The following ASXL2 variants were observed in gnomAD, a reference collection of about 807,000 sequenced individuals.
ASXL2 encodes the protein ASXL transcriptional regulator 2.
A neutral mutation model predicts 122.0 loss-of-function variants in ASXL2; 23 were observed. The observed-to-expected ratio is 0.19, with a 90% CI of 0.14 to 0.27. The LOEUF (loss-of-function observed/expected upper bound fraction) is 0.27, where lower values mean the gene tolerates loss of function less well. Ranked by LOEUF, ASXL2 falls within the 10% of genes least tolerant of loss-of-function variation. ASXL2 has a pLI of 1.00. For synonymous variants in ASXL2, 650 were observed against 637.0 expected, an observed-to-expected ratio of 1.02 and a Z score of -0.31; for missense variants, 1,518 against 1,713.8, an observed-to-expected ratio of 0.89 and a Z score of 2.02.
chr2:25,761,962 G>C (rs1185224583), intron 8 of ASXL2, among the ~76,000 whole-genome samples: 2 of 151,910 alleles, frequency 1.3e-5, no homozygotes, highest in African/African-American at 4.8e-5. Flanking sequence ...TAAACATGTA[G>C]ATAAATATAT....
At chr2:25,876,284 T>C (rs1485479220) in intron 1 of ASXL2, among the ~76,000 whole-genome samples, 1 of 152,224 alleles carries the variant, frequency 6.6e-6, no homozygotes, top group Non-Finnish European at 1.5e-5. Flanking sequence ...TGAGCAAATA[T>C]ACTAACATAG....
chr2:25,873,628 T>A (rs1477432967), intron 1 of ASXL2, among the ~76,000 whole-genome samples: 5 of 151,152 alleles, frequency 3.3e-5, no homozygotes, highest in Non-Finnish European at 5.9e-5. Flanking sequence ...AACCAATGAA[T>A]AAAGTCTATA....
rs1431495638 is a variant in ASXL2 at position 25,741,926 on chromosome 2, G to A, written c.*103C>T. ...GTAACATTTGTCTCTGAAGACAACT[G>A]AAACCTACTTGTTTATTTCTGTGAT... On this transcript the variant is annotated 3_prime_UTR_variant, in exon 13 of 13. Coordinates refer to ENST00000435504, the MANE Select transcript of ASXL2 (RefSeq NM_018263.6). 8.6e-7 allele frequency: 1 copy of A among 1,169,560 alleles called. No individual in the cohort carries two copies. Among genetic ancestry groups the A allele is most frequent in the East Asian group, 2.4e-5 (1 of 42,000 alleles). 72.4% of individuals were successfully genotyped at this position (1,169,560 alleles called of 1,614,324 possible). A position where few individuals can be genotyped will look rare whatever the true frequency, so the allele number is the denominator to read the frequency against.
intron 1 of ASXL2, among the ~76,000 whole-genome samples, chr2:25,848,830 G>T (rs2089681833): frequency 6.6e-6 from 1 of 151,286 alleles, no homozygotes; most frequent in Admixed American, 6.6e-5. Context: ...CAGATCACCA[G>T]AAGTCAAGAG....
chr2:25,849,394 A>T (rs1471303736), intron 1 of ASXL2, among the ~76,000 whole-genome samples: 1 of 145,340 alleles, frequency 6.9e-6, no homozygotes, highest in Admixed American at 7.3e-5. Context: ...CAGAGGCTAC[A>T]GTGAGACGAG....
intron 4 of ASXL2, among the ~76,000 whole-genome samples, chr2:25,804,777 C>A (rs1460387247): frequency 1.3e-5 from 2 of 152,116 alleles, no homozygotes; most frequent in South Asian, 2.1e-4. Flanking sequence ...AGGCCGGGCA[C>A]GGTGGCTCAC....
chr2:25,812,962 T>TCAA (rs1218560554), intron 3 of ASXL2, among the ~76,000 whole-genome samples: 2 of 152,164 alleles, frequency 1.3e-5, no homozygotes, highest in African/African-American at 4.8e-5. Flanking sequence ...AATAAGCTGT[T>TCAA]CAAGATCATA....
At chr2:25,809,753 C>T (rs1050562102) in intron 3 of ASXL2, among the ~76,000 whole-genome samples, 5 of 152,172 alleles carry the variant, frequency 3.3e-5, no homozygotes, top group African/African-American at 1.2e-4. Flanking sequence ...TCTAGCCCAG[C>T]TGGAATCTCT....
At position 25,741,955 on chromosome 2, in the gene ASXL2, A is replaced by G. The variant is rs1016441610; in HGVS notation, c.*74T>C. On this transcript the variant is annotated 3_prime_UTR_variant, in exon 13 of 13. Transcript: ENST00000435504. ...CCTACTTGTTTATTTCTGTGATTCC[A>G]AAAGGACGCAAAAAACCCAACTGGT... 1 of 1,425,696 alleles carries G rather than the reference A, an allele frequency of 7.0e-7. No individual in the cohort carries two copies. Among genetic ancestry groups the G allele is most frequent in the African/African-American group, 1.4e-5 (1 of 69,980 alleles). 88.3% of individuals were successfully genotyped at this position (1,425,696 alleles called of 1,614,324 possible).
intron 3 of ASXL2, among the ~76,000 whole-genome samples, chr2:25,823,976 T>C (rs3731638): frequency 0.32 from 48,141 of 151,514 alleles, 7,967 homozygotes; most frequent in African/African-American, 0.4. Context: ...TGTAATGTCA[T>C]AGGAAACCTT....
At chr2:25,869,079 C>T (rs2089934058) in intron 1 of ASXL2, among the ~76,000 whole-genome samples, 1 of 151,554 alleles carries the variant, frequency 6.6e-6, no homozygotes, top group South Asian at 2.1e-4. Context: ...GCAGGAGAAT[C>T]GCTTGAACCT....
chr2:25,816,370 T>C (rs1436913762), intron 3 of ASXL2, among the ~76,000 whole-genome samples: 1 of 152,178 alleles, frequency 6.6e-6, no homozygotes, highest in Non-Finnish European at 1.5e-5. Flanking sequence ...ATTCACACCA[T>C]CGTGTGACCT....
chr2:25,876,081 A>G (rs2090007371), intron 1 of ASXL2, among the ~76,000 whole-genome samples: 1 of 152,120 alleles, frequency 6.6e-6, no homozygotes, highest in South Asian at 2.1e-4. Flanking sequence ...GATTTTGGCT[A>G]CTAGAAAAAC....
chr2:25,800,546 C>G (rs940936031), intron 4 of ASXL2, among the ~76,000 whole-genome samples: 10 of 152,152 alleles, frequency 6.6e-5, no homozygotes, highest in Admixed American at 5.2e-4. Flanking sequence ...TTTAACAAAT[C>G]ATATGAAACT....
intron 3 of ASXL2, chr2:25,822,548 A>G (rs373544986): frequency 5.7e-5 from 28 of 495,428 alleles, no homozygotes; most frequent in African/African-American, 4.4e-4. Context: ...AAGGATGTTC[A>G]TGTAAATTTT....
intron 5 of ASXL2, among the ~76,000 whole-genome samples, chr2:25,777,701 T>A (rs183369750): frequency 6.6e-6 from 1 of 152,304 alleles, no homozygotes; most frequent in African/African-American, 2.4e-5. Context: ...ATTTTATTAT[T>A]AATAACAGCA....
intron 5 of ASXL2, among the ~76,000 whole-genome samples, chr2:25,781,951 C>CGT (rs371416553): frequency 0.24 from 5,001 of 21,158 alleles, 259 homozygotes; most frequent in African/African-American, 0.35. Flanking sequence ...CGTGAGCCAC[C>CGT]GCCCGGGCTT....
At chr2:25,822,938 A>T (rs1352639755) in intron 3 of ASXL2, 1 of 529,052 alleles carries the variant, frequency 1.9e-6, no homozygotes, top group Non-Finnish European at 3.8e-6. Flanking sequence ...AAAAAATGCC[A>T]GATCGGGAGT....
chr2:25,800,631 T>C (rs943838063), intron 4 of ASXL2, among the ~76,000 whole-genome samples: 1 of 152,142 alleles, frequency 6.6e-6, no homozygotes. Flanking sequence ...AGAGATATAA[T>C]AACAGGATAG....
Sources: gnomAD v4.1 joint callset for allele counts (sites outside exome capture counted in the v4.1 genomes callset) on GRCh38, gnomAD v4.1.1 for gene constraint, MANE v1.5 for transcripts, NCBI Gene and HGNC (gene_info 2026-07-23, HGNC 2026-07-21) for gene names.